The following CNTN4 variants were observed in gnomAD, a reference collection of about 807,000 sequenced individuals.
CNTN4 encodes the protein contactin-4.
A neutral mutation model predicts 122.5 loss-of-function variants in CNTN4; 77 were observed. The observed-to-expected ratio is 0.63, with a 90% CI of 0.52 to 0.76. The LOEUF (loss-of-function observed/expected upper bound fraction) is 0.76. Among genes scored for constraint, CNTN4 ranks in the 30% least tolerant of loss-of-function variants. The pLI is 0.00. For missense variants in CNTN4, 1,256 were observed against 1,259.1 expected (o/e 1.00, Z 0.04); for synonymous variants, 512 against 447.0 (o/e 1.15, Z -1.83).
chr3:2,556,599 A>G lies in CNTN4; in HGVS notation c.-88-14817A>G, dbSNP rs545374513. Among the ~76,000 whole-genome samples the G allele has an allele frequency of 7.9e-5, 12 of 152,264 alleles. No homozygotes were observed. In the South Asian group the frequency reaches 8.3e-4, roughly 11 times the overall value. ...TAACAGCTCGGCCCTGGTAAGTTTT[A>G]TATATGTGTGCATATATAAATTTTA... On this transcript the variant is annotated intron_variant, in intron 3 of 24. Coordinates refer to ENST00000418658, the MANE Select transcript of CNTN4 (RefSeq NM_175607.3).
intron 4 of CNTN4, among the ~76,000 whole-genome samples, chr3:2,720,000 T>C (rs1427385948): frequency 6.6e-6 from 1 of 152,124 alleles, no homozygotes; most frequent in African/African-American, 2.4e-5. Context: ...GAAAGAATGA[T>C]AAAAGCTGGG....
chr3:2,703,461 T>G (rs2149271510), intron 4 of CNTN4, among the ~76,000 whole-genome samples: 1 of 152,300 alleles, frequency 6.6e-6, no homozygotes, highest in East Asian at 1.9e-4. Context: ...ATTATTATTC[T>G]TTTTTAACTT....
chr3:2,771,892 G>A (rs1329320644), intron 6 of CNTN4, among the ~76,000 whole-genome samples: 1 of 152,178 alleles, frequency 6.6e-6, no homozygotes, highest in African/African-American at 2.4e-5. Context: ...GCAGAGTCTT[G>A]ACAGATGGTT....
At chr3:2,891,461 A>G (rs2094039760) in intron 10 of CNTN4, among the ~76,000 whole-genome samples, 1 of 152,142 alleles carries the variant, frequency 6.6e-6, no homozygotes, top group Non-Finnish European at 1.5e-5. Context: ...AAATAAATAA[A>G]TAAATAATTT....
chr3:2,506,431 T>C (rs2076732976), intron 3 of CNTN4, among the ~76,000 whole-genome samples: 1 of 152,222 alleles, frequency 6.6e-6, no homozygotes, highest in Admixed American at 6.5e-5. Flanking sequence ...GACAGAATGA[T>C]GTAGGGGATA....
intron 16 of CNTN4, among the ~76,000 whole-genome samples, chr3:3,033,921 C>T (rs57409002): frequency 0.031 from 4,782 of 152,212 alleles, 241 homozygotes; most frequent in African/African-American, 0.11. Context: ...TAGAAAAATA[C>T]GGGTATGAGT....
intron 12 of CNTN4, among the ~76,000 whole-genome samples, chr3:2,909,011 C>T (rs1480279263): frequency 6.6e-6 from 1 of 152,168 alleles, no homozygotes; most frequent in Non-Finnish European, 1.5e-5. Context: ...GTTAATTTGG[C>T]ATCTACCCAG....
At chr3:2,626,037 C>T (rs546062714) in intron 4 of CNTN4, among the ~76,000 whole-genome samples, 4 of 152,266 alleles carry the variant, frequency 2.6e-5, no homozygotes, top group Admixed American at 6.5e-5. Flanking sequence ...TGCAATTAGA[C>T]GTCTCCTTAT....
intron 19 of CNTN4, chr3:3,039,813 C>G: frequency 1.9e-6 from 1 of 538,336 alleles, no homozygotes; most frequent in East Asian, 3.4e-5. Context: ...AAAGAGCAAG[C>G]TCTGGACTGC....
At chr3:2,228,476 T>C (rs1052593650) in intron 2 of CNTN4, among the ~76,000 whole-genome samples, 4 of 152,098 alleles carry the variant, frequency 2.6e-5, no homozygotes, top group African/African-American at 9.7e-5. Context: ...AGGCTGAAAG[T>C]ATATATCATC....
chr3:2,721,530 T>C (rs529770439), intron 4 of CNTN4, among the ~76,000 whole-genome samples: 1 of 152,182 alleles, frequency 6.6e-6, no homozygotes, highest in Non-Finnish European at 1.5e-5. Flanking sequence ...CCGGCATTGC[T>C]CTTCCTGCAT....
At chr3:2,615,769 TA>T (rs1370877627) in intron 4 of CNTN4, among the ~76,000 whole-genome samples, 3 of 152,146 alleles carry the variant, frequency 2.0e-5, no homozygotes, top group African/African-American at 7.2e-5. Flanking sequence ...GTATCAAAAT[TA>T]GCTTGTGAGG....
intron 3 of CNTN4, among the ~76,000 whole-genome samples, chr3:2,548,838 G>A (rs1291916744): frequency 3.3e-5 from 5 of 151,858 alleles, no homozygotes; most frequent in East Asian, 3.9e-4. Flanking sequence ...TGTTTGCGTC[G>A]TCTCTTATTT....
intron 2 of CNTN4, among the ~76,000 whole-genome samples, chr3:2,233,506 G>A (rs2039567185): frequency 6.6e-6 from 1 of 152,130 alleles, no homozygotes; most frequent in Admixed American, 6.5e-5. Context: ...ATACTATTCA[G>A]CATGTACTAC....
intron 13 of CNTN4, among the ~76,000 whole-genome samples, chr3:2,952,226 G>T (rs2094753151): frequency 6.6e-6 from 1 of 152,162 alleles, no homozygotes; most frequent in Non-Finnish European, 1.5e-5. Context: ...GGATATAGTT[G>T]GAACCTGTCT....
intron 7 of CNTN4, among the ~76,000 whole-genome samples, chr3:2,857,972 C>T (rs2093633811): frequency 6.6e-6 from 1 of 152,160 alleles, no homozygotes; most frequent in Non-Finnish European, 1.5e-5. Flanking sequence ...ATTTATTTAT[C>T]TTTGTGTCTG....
intron 2 of CNTN4, among the ~76,000 whole-genome samples, chr3:2,149,848 C>T (rs2035415191): frequency 6.6e-6 from 1 of 152,048 alleles, no homozygotes. Flanking sequence ...TGTATTTTCA[C>T]TTCCTCATAC....
intron 6 of CNTN4, among the ~76,000 whole-genome samples, chr3:2,799,115 A>G (rs1460038021): frequency 2.0e-5 from 3 of 151,886 alleles, no homozygotes; most frequent in African/African-American, 7.3e-5. Context: ...TTTTTCATAT[A>G]TTTGTTGTCC....
At chr3:2,563,046 G>A (rs986368569) in intron 3 of CNTN4, among the ~76,000 whole-genome samples, 1 of 152,072 alleles carries the variant, frequency 6.6e-6, no homozygotes, top group Non-Finnish European at 1.5e-5. Context: ...TTTTCTCTGG[G>A]TATATACCCA....
Sources: allele counts gnomAD v4.1 joint callset (sites outside exome capture counted in the v4.1 genomes callset), GRCh38; gene constraint gnomAD v4.1.1; transcripts MANE v1.5; gene names NCBI Gene and HGNC (gene_info 2026-07-23, HGNC 2026-07-21).